SDK1: variants seen among roughly 807,000 people sequenced by gnomAD.
SDK1 encodes the protein sidekick cell adhesion molecule 1, also known as protein sidekick-1.
SDK1 carries 157 observed loss-of-function variants against 245.5 expected under a neutral mutation model. The ratio of observed to expected loss-of-function variants is 0.64; its 90% CI spans 0.56 to 0.73. The LOEUF (loss-of-function observed/expected upper bound fraction) is 0.73, where lower values mean the gene tolerates loss of function less well. SDK1 is among the 30% of genes least tolerant of loss of function. The pLI is 0.00. For missense variants in SDK1, 3,583 were observed against 3,002.3 expected (o/e 1.19, Z -4.52); for synonymous variants, 1,647 against 1,278.5 (o/e 1.29, Z -6.15).
At chr7:3,582,226 C>A (rs1349207201) in intron 1 of SDK1, among the ~76,000 whole-genome samples, 4 of 151,886 alleles carry the variant, frequency 2.6e-5, no homozygotes, top group African/African-American at 9.7e-5. Context: ...TCAGGTAGGT[C>A]TGTCTCAGGT....
chr7:3,787,910 C>T (rs1359764829), intron 4 of SDK1, among the ~76,000 whole-genome samples: 4 of 152,212 alleles, frequency 2.6e-5, no homozygotes, highest in Non-Finnish European at 4.4e-5. Flanking sequence ...GTCAGTGTCA[C>T]ATGCGGTTGC....
chr7:3,520,681 T>C lies in SDK1; in HGVS notation c.299-98399T>C, dbSNP rs185046414. ...TTCTCCTTAAATAAAAACTGAAACA[T>C]TAAGTCTGCCCCTTTTCTTTAATCC... On this transcript the variant is annotated intron_variant, in intron 1 of 44. Transcript: ENST00000404826. 2.2e-4 allele frequency among the ~76,000 whole-genome samples: 33 copies of C among 152,290 alleles called. No individual in the cohort carries two copies. The East Asian group carries it at 4.8e-3, about 22-fold the overall frequency.
chr7:4,265,339 CCCCGGCG>C lies in SDK1; in HGVS notation c.6599_6605del (p.Pro2200ArgfsTer41). 1 of 1,469,376 alleles carries C rather than the reference CCCCGGCG, an allele frequency of 6.8e-7. No homozygotes were observed. The highest frequency in any genetic ancestry group is 8.9e-7 in the Non-Finnish European group (1 of 1,123,666). The allele number at this position is 1,469,376 out of a possible 1,614,324, so 91.0% of individuals were successfully genotyped here. Reference sequence around the variant, plus strand: ...CGGGCGGCGTCTACACCCCCGCTGGCCCCGGCGCGCGAACTCCGCTCACCGGCTTCTC... The same window carrying C: ...CGGGCGGCGTCTACACCCCCGCTGGCCGCGAACTCCGCTCACCGGCTTCTC... On this transcript the variant is annotated frameshift_variant, in exon 45 of 45. Coordinates refer to ENST00000404826, the MANE Select transcript of SDK1 (RefSeq NM_152744.4). LOFTEE classifies it high-confidence loss of function.
chr7:4,031,602 T>C (rs1368908233), intron 17 of SDK1, among the ~76,000 whole-genome samples: 7 of 149,498 alleles, frequency 4.7e-5, no homozygotes, highest in Non-Finnish European at 7.5e-5. Context: ...GAAGTGTACA[T>C]GTAATTATAT....
At chr7:3,535,273 T>TAATA (rs79935479) in intron 1 of SDK1, among the ~76,000 whole-genome samples, 1 of 152,030 alleles carries the variant, frequency 6.6e-6, no homozygotes, top group African/African-American at 2.4e-5. Flanking sequence ...TCCAAAAAAA[T>TAATA]AATAAATAAA....
At chr7:3,948,804 G>C (rs1314294212) in intron 5 of SDK1, among the ~76,000 whole-genome samples, 2 of 152,214 alleles carry the variant, frequency 1.3e-5, no homozygotes, top group Non-Finnish European at 2.9e-5. Context: ...TTCTCCTCAG[G>C]CGTCCTCCCC....
intron 1 of SDK1, among the ~76,000 whole-genome samples, chr7:3,548,501 CTTTTTA>C (rs1779301718): frequency 6.6e-6 from 1 of 152,084 alleles, no homozygotes; most frequent in African/African-American, 2.4e-5. Context: ...TAACATTTGA[CTTTTTA>C]TTTTTTGTCG....
chr7:3,455,312 T>C (rs1780636259), intron 1 of SDK1, among the ~76,000 whole-genome samples: 1 of 152,032 alleles, frequency 6.6e-6, no homozygotes, highest in Non-Finnish European at 1.5e-5. Context: ...ATTTTTTCTA[T>C]ATGGATTTGC....
At chr7:3,478,864 T>G (rs1326173486) in intron 1 of SDK1, among the ~76,000 whole-genome samples, 1 of 152,204 alleles carries the variant, frequency 6.6e-6, no homozygotes, top group Non-Finnish European at 1.5e-5. Context: ...ACTTGCTGCT[T>G]AGTTCCAATA....
intron 5 of SDK1, among the ~76,000 whole-genome samples, chr7:3,858,952 CA>C (rs11366703): frequency 0.05 from 7,525 of 150,032 alleles, 643 homozygotes; most frequent in African/African-American, 0.17. Context: ...AAGCTCCACC[CA>C]CCAGGTCCAC....
At chr7:3,305,113 G>A (rs1420437010) in intron 1 of SDK1, among the ~76,000 whole-genome samples, 1 of 152,138 alleles carries the variant, frequency 6.6e-6, no homozygotes, top group Non-Finnish European at 1.5e-5. Context: ...CCAGGTTCAT[G>A]ATTTGAAACT....
intron 19 of SDK1, among the ~76,000 whole-genome samples, chr7:4,063,434 TGAAAG>T (rs1376409418): frequency 2.0e-5 from 3 of 151,772 alleles, no homozygotes; most frequent in African/African-American, 7.3e-5. Context: ...AAAACATTGA[TGAAAG>T]GAACTAAGAA....
chr7:3,405,914 G>C (rs1779043053), intron 1 of SDK1, among the ~76,000 whole-genome samples: 1 of 149,536 alleles, frequency 6.7e-6, no homozygotes, highest in African/African-American at 2.5e-5. Flanking sequence ...CCAGGTTCAA[G>C]TGATTCTTCT....
intron 1 of SDK1, among the ~76,000 whole-genome samples, chr7:3,402,057 A>G (rs1407703079): frequency 1.3e-5 from 2 of 152,208 alleles, no homozygotes; most frequent in Non-Finnish European, 2.9e-5. Context: ...TCCTGTCCTC[A>G]TGGAACTCAA....
At chr7:4,147,226 G>T (rs1194336202) in intron 29 of SDK1, among the ~76,000 whole-genome samples, 1 of 152,264 alleles carries the variant, frequency 6.6e-6, no homozygotes, top group Admixed American at 6.5e-5. Flanking sequence ...TGTTGCCCAG[G>T]CTGGAGTGCA....
At chr7:3,586,915 C>T (rs1364204140) in intron 1 of SDK1, among the ~76,000 whole-genome samples, 3 of 152,070 alleles carry the variant, frequency 2.0e-5, no homozygotes, top group African/African-American at 7.2e-5. Flanking sequence ...ATTAAGGGTT[C>T]TGTAAGAGAT....
At chr7:3,796,960 T>C (rs1778975407) in intron 4 of SDK1, among the ~76,000 whole-genome samples, 1 of 152,130 alleles carries the variant, frequency 6.6e-6, no homozygotes, top group Non-Finnish European at 1.5e-5. Flanking sequence ...ATAAATGTGA[T>C]CATATATTTT....
chr7:3,706,073 TG>T (rs1784880563), intron 4 of SDK1, among the ~76,000 whole-genome samples: 1 of 152,260 alleles, frequency 6.6e-6, no homozygotes, highest in Non-Finnish European at 1.5e-5. Context: ...TCACATTTAT[TG>T]ATTCATGTAT....
At chr7:3,647,421 CTT>C (rs926627103) in intron 4 of SDK1, among the ~76,000 whole-genome samples, 1 of 152,108 alleles carries the variant, frequency 6.6e-6, no homozygotes, top group African/African-American at 2.4e-5. Flanking sequence ...ACATCAAGCT[CTT>C]TTCTGTTTTG....
Sources: allele counts gnomAD v4.1 joint callset (sites outside exome capture counted in the v4.1 genomes callset), GRCh38; gene constraint gnomAD v4.1.1; transcripts MANE v1.5; gene names NCBI Gene and HGNC (gene_info 2026-07-23, HGNC 2026-07-21).